The following PPP2R2B variants were observed in gnomAD, a reference collection of about 807,000 sequenced individuals.
PPP2R2B encodes the protein protein phosphatase 2 regulatory subunit Bbeta, also known as serine/threonine-protein phosphatase 2A 55 kDa regulatory subunit B beta isoform.
In PPP2R2B, 5 loss-of-function variants were observed where a neutral mutation model predicts 46.0. The ratio of observed to expected loss-of-function variants is 0.11; its 90% confidence interval spans 0.06 to 0.23. The LOEUF is 0.23. Among genes scored for constraint, PPP2R2B ranks in the 10% least tolerant of loss-of-function variants. The pLI is 1.00. For synonymous variants in PPP2R2B, 215 were observed against 206.7 expected (o/e 1.04, Z -0.34); for missense variants, 367 against 575.0 (o/e 0.64, Z 3.70).
rs1315305347 is a variant in PPP2R2B at position 146,587,535 on chromosome 5, T to A, written c.*2412A>T. ...AGGGGCCTATGAACTCCTTAAACCA[T>A]GACAAAAATTATTCCTGTGTGTGTT... is the stretch of plus-strand genomic sequence containing the variant. On this transcript the variant is annotated 3_prime_UTR_variant, in exon 10 of 10. Coordinates refer to ENST00000394411, the MANE Select transcript of PPP2R2B (RefSeq NM_181675.4). The A allele has an allele frequency of 1.3e-5, 2 of 152,214 alleles. No homozygotes were observed. Among genetic ancestry groups the A allele is most frequent in the Non-Finnish European group, 2.9e-5 (2 of 68,040 alleles). The allele number at this position is 152,214 out of a possible 1,614,324, so 9.4% of individuals were successfully genotyped here.
At chr5:146,920,259 G>A (rs1461397892) in intron 1 of PPP2R2B, among the ~76,000 whole-genome samples, 1 of 152,154 alleles carries the variant, frequency 6.6e-6, no homozygotes, top group African/African-American at 2.4e-5. Flanking sequence ...TTGCATCATA[G>A]TTGCTCCCGT....
chr5:146,685,509 G>A (rs1205184472), intron 5 of PPP2R2B, among the ~76,000 whole-genome samples: 1 of 152,170 alleles, frequency 6.6e-6, no homozygotes. Flanking sequence ...TTCACTCAGA[G>A]GATCTCTCTT....
At position 146,701,109 on chromosome 5, in the gene PPP2R2B, G is replaced by A. The variant is rs758162694; in HGVS notation, c.104C>T (p.Thr35Met). The change falls in exon 3 of 10, where the codon ACG becomes ATG. Residue 35 changes from threonine (T) to methionine (M), a missense_variant. Physicochemically the swap from Thr to Met is moderately conservative, Grantham distance 81. Coordinates refer to ENST00000394411, the MANE Select transcript of PPP2R2B (RefSeq NM_181675.4). ...DIISTVEFNH[T>M]GELLATGDKG... is the part of the protein sequence containing the mutation. ...GTCCCCTGTCGCTAGTAATTCTCCC[G>A]TGTGGTTGAATTCTACCGTAGAGAT... 12 of 1,613,754 alleles carry A rather than the reference G, an allele frequency of 7.4e-6. No individual in the cohort carries two copies. The highest frequency in any genetic ancestry group is 1.7e-5 in the Admixed American group (1 of 60,000).
At chr5:146,815,510 G>A (rs1410583306) in intron 2 of PPP2R2B, among the ~76,000 whole-genome samples, 1 of 152,246 alleles carries the variant, frequency 6.6e-6, no homozygotes, top group African/African-American at 2.4e-5. Flanking sequence ...ACCTACTAGG[G>A]GTGGTAAACT....
chr5:146,725,212 G>A (rs1751787873), intron 2 of PPP2R2B, among the ~76,000 whole-genome samples: 1 of 152,088 alleles, frequency 6.6e-6, no homozygotes, highest in African/African-American at 2.4e-5. Flanking sequence ...CTTCTTTTGA[G>A]TACCCGACTG....
intron 2 of PPP2R2B, among the ~76,000 whole-genome samples, chr5:146,876,833 T>C (rs1313408461): frequency 6.6e-6 from 1 of 152,234 alleles, no homozygotes; most frequent in East Asian, 1.9e-4. Flanking sequence ...TTATAGAAGA[T>C]GCCACCTTTA....
intron 2 of PPP2R2B, among the ~76,000 whole-genome samples, chr5:146,772,918 G>A (rs1365089619): frequency 1.3e-5 from 2 of 152,158 alleles, no homozygotes; most frequent in South Asian, 2.1e-4. Flanking sequence ...TGATTGTCTA[G>A]CTCTTTTGTT....
At chr5:146,958,684 A>T (rs1191263596) in intron 1 of PPP2R2B, among the ~76,000 whole-genome samples, 2 of 152,206 alleles carry the variant, frequency 1.3e-5, no homozygotes, top group Non-Finnish European at 2.9e-5. Context: ...TAAATACTAG[A>T]GCCAGGATAT....
intron 2 of PPP2R2B, among the ~76,000 whole-genome samples, chr5:146,737,808 C>T (rs1581988373): frequency 8.2e-6 from 1 of 122,386 alleles, no homozygotes. Context: ...GGTGTGGTGG[C>T]TCACACCTGT....
chr5:146,718,530 T>C (rs1780621474), intron 2 of PPP2R2B, among the ~76,000 whole-genome samples: 1 of 152,190 alleles, frequency 6.6e-6, no homozygotes, highest in South Asian at 2.1e-4. Flanking sequence ...TATGGGATCA[T>C]GAAAATTTGA....
At chr5:147,056,517 T>C (rs1298212744), upstream of PPP2R2B, among the ~76,000 whole-genome samples, 1 of 151,936 alleles carries the variant, frequency 6.6e-6, no homozygotes, top group Admixed American at 6.6e-5. Flanking sequence ...ACTCTCCAAA[T>C]AGAAAGCCAC....
intron 2 of PPP2R2B, among the ~76,000 whole-genome samples, chr5:146,858,738 A>T (rs1760815566): frequency 6.6e-6 from 1 of 152,188 alleles, no homozygotes; most frequent in African/African-American, 2.4e-5. Context: ...AGCGCAATAT[A>T]CAGCCATGAC....
chr5:147,071,768 A>G (rs1361286039), intron 2 of PPP2R2B, among the ~76,000 whole-genome samples: 1 of 152,166 alleles, frequency 6.6e-6, no homozygotes, highest in Non-Finnish European at 1.5e-5. Context: ...TGATAGCCTC[A>G]TATTTTATAT....
chr5:146,667,401 T>C (rs1285604596), intron 5 of PPP2R2B, among the ~76,000 whole-genome samples: 1 of 148,876 alleles, frequency 6.7e-6, no homozygotes, highest in African/African-American at 2.5e-5. Context: ...CAGGATGGGA[T>C]GAGCAAGAGA....
At chr5:146,715,526 T>C (rs1285499255) in intron 2 of PPP2R2B, among the ~76,000 whole-genome samples, 1 of 152,208 alleles carries the variant, frequency 6.6e-6, no homozygotes, top group East Asian at 1.9e-4. Flanking sequence ...TCGTCATATA[T>C]TGGATACTGA....
intron 1 of PPP2R2B, among the ~76,000 whole-genome samples, chr5:147,017,907 A>AAGC (rs1755078720): frequency 1.3e-5 from 2 of 152,088 alleles, no homozygotes; most frequent in Admixed American, 1.3e-4. Flanking sequence ...TGGAAAGGTA[A>AAGC]AGCAATGTCT....
intron 7 of PPP2R2B, among the ~76,000 whole-genome samples, chr5:146,624,233 A>C (rs1419318493): frequency 6.6e-6 from 1 of 152,176 alleles, no homozygotes; most frequent in Non-Finnish European, 1.5e-5. Flanking sequence ...AAACAGCAAA[A>C]GGTATCAACT....
chr5:147,009,953 A>T (rs1754637343), intron 1 of PPP2R2B, among the ~76,000 whole-genome samples: 1 of 151,834 alleles, frequency 6.6e-6, no homozygotes, highest in Non-Finnish European at 1.5e-5. Context: ...CACTATAGCC[A>T]TTCTAACACA....
chr5:147,056,114 C>T (rs1280600792), upstream of PPP2R2B: 3 of 1,048,158 alleles, frequency 2.9e-6, no homozygotes, highest in Non-Finnish European at 2.3e-6. Flanking sequence ...TTTCTCTTTT[C>T]GCAAGAGAAA....
Sources: allele counts gnomAD v4.1 joint callset (sites outside exome capture counted in the v4.1 genomes callset), GRCh38; gene constraint gnomAD v4.1.1; transcripts MANE v1.5; gene names NCBI Gene and HGNC (gene_info 2026-07-23, HGNC 2026-07-21).